ZFR: variants seen among roughly 807,000 people sequenced by gnomAD.
The protein encoded by ZFR is zinc finger RNA-binding protein.
In ZFR, 19 loss-of-function variants were observed where a neutral mutation model predicts 130.7. The ratio of observed to expected loss-of-function variants is 0.15; its 90% CI spans 0.10 to 0.21. The LOEUF is 0.21. Among genes scored for constraint, ZFR ranks in the 10% least tolerant of loss-of-function variants. The pLI, the probability that ZFR is intolerant of heterozygous loss-of-function variation, is 1.00. For missense variants in ZFR, 872 were observed against 1,321.5 expected (o/e 0.66, Z 5.27); for synonymous variants, 466 against 456.9 (o/e 1.02, Z -0.25).
At chr5:32,436,900 ACATTT>A (rs1457269176) in intron 2 of ZFR, among the ~76,000 whole-genome samples, 1 of 152,234 alleles carries the variant, frequency 6.6e-6, no homozygotes, top group Non-Finnish European at 1.5e-5. Context: ...TCGGTTTATG[ACATTT>A]CATTTTCTCT....
intron 6 of ZFR, among the ~76,000 whole-genome samples, chr5:32,404,428 A>G (rs1753535265): frequency 6.6e-6 from 1 of 152,242 alleles, no homozygotes; most frequent in Non-Finnish European, 1.5e-5. Context: ...CATTCCATAA[A>G]GAAATTATAT....
intron 8 of ZFR, among the ~76,000 whole-genome samples, chr5:32,402,251 A>C (rs972755863): frequency 6.6e-6 from 1 of 152,192 alleles, no homozygotes; most frequent in Admixed American, 6.5e-5. Context: ...AAAACTGAGA[A>C]AGGGGTGGAT....
intron 2 of ZFR, among the ~76,000 whole-genome samples, chr5:32,442,518 A>G (rs1468771215): frequency 6.6e-6 from 1 of 152,238 alleles, no homozygotes; most frequent in African/African-American, 2.4e-5. Context: ...ACGATTTGCT[A>G]ATACTTGAAA....
intron 17 of ZFR, among the ~76,000 whole-genome samples, chr5:32,368,948 A>G (rs1361501634): frequency 1.4e-5 from 2 of 139,154 alleles, no homozygotes; most frequent in Non-Finnish European, 3.2e-5. Flanking sequence ...GTTGACATGG[A>G]TCACTATTGA....
At chr5:32,369,202 G>C (rs907343997) in intron 17 of ZFR, among the ~76,000 whole-genome samples, 1 of 151,808 alleles carries the variant, frequency 6.6e-6, no homozygotes, top group Non-Finnish European at 1.5e-5. Context: ...ACCGTTTGCT[G>C]TTTTTTTTGT....
intron 9 of ZFR, among the ~76,000 whole-genome samples, chr5:32,398,429 A>C (rs1753368377): frequency 6.6e-6 from 1 of 152,206 alleles, no homozygotes; most frequent in Non-Finnish European, 1.5e-5. Context: ...CTTACTATGA[A>C]GTCTATTATG....
chr5:32,418,846 A>G (rs554142167), intron 3 of ZFR, among the ~76,000 whole-genome samples: 166 of 152,360 alleles, frequency 1.1e-3, no homozygotes, highest in African/African-American at 3.8e-3. Flanking sequence ...GCAAAAAAAC[A>G]GATTAAAGAA....
At chr5:32,369,131 T>C (rs1037416859) in intron 17 of ZFR, among the ~76,000 whole-genome samples, 1 of 152,236 alleles carries the variant, frequency 6.6e-6, no homozygotes, top group Admixed American at 6.5e-5. Context: ...TTTAGGGGTG[T>C]GCATACAGTT....
intron 15 of ZFR, among the ~76,000 whole-genome samples, chr5:32,381,128 A>C (rs1752927402): frequency 6.6e-6 from 1 of 152,208 alleles, no homozygotes; most frequent in Non-Finnish European, 1.5e-5. Context: ...AAACAGAATT[A>C]AGAGTGGAAA....
intron 3 of ZFR, 144 bp from the exon 4 acceptor site, chr5:32,417,936 A>G (rs1432886261): frequency 1.3e-6 from 1 of 770,922 alleles, no homozygotes; most frequent in African/African-American, 1.7e-5. Flanking sequence ...ATCAAATTAA[A>G]TACACAGAAG....
chr5:32,380,077 G>A lies in ZFR; in HGVS notation c.2737C>T (p.Gln913Ter). The change falls in exon 16 of 20, where the codon CAG becomes TAG. Residue 913 changes from glutamine to a stop codon, truncating the protein, a stop_gained and splice_region_variant. Transcript: ENST00000265069. LOFTEE classifies it high-confidence loss of function. ...AAAAGTAAAATGATGTTCCGAACCT[G>A]GAACCACTTAGCGTGGCGTAGAGCA... ...LAALRHAKWFQARANGLQSCV... is the reference protein window; with the variant it reads ...LAALRHAKWF 6.2e-7 allele frequency: 1 copy of A among 1,613,120 alleles called. No individual in the cohort carries two copies. Among genetic ancestry groups the A allele is most frequent in the Non-Finnish European group, 8.5e-7 (1 of 1,179,188 alleles).
intron 2 of ZFR, among the ~76,000 whole-genome samples, chr5:32,435,899 T>A (rs1033010): frequency 1.3e-5 from 2 of 152,288 alleles, no homozygotes; most frequent in South Asian, 2.1e-4. Flanking sequence ...AAGCAAAATT[T>A]TATGCTATTT....
At chr5:32,395,494 A>G (rs1004341726) in intron 10 of ZFR, among the ~76,000 whole-genome samples, 190 bp from the exon 11 acceptor site, 5 of 152,218 alleles carry the variant, frequency 3.3e-5, no homozygotes, top group Non-Finnish European at 7.3e-5. Flanking sequence ...AAAATTATGT[A>G]AAAAGTATGT....
At chr5:32,393,957 T>C (rs1463910886) in intron 11 of ZFR, among the ~76,000 whole-genome samples, 1 of 152,142 alleles carries the variant, frequency 6.6e-6, no homozygotes, top group East Asian at 1.9e-4. Flanking sequence ...GGAAACTACC[T>C]AAATATCTAA....
Position 32,354,573 on chromosome 5 carries a change from T to C in ZFR, c.*1187A>G, listed in dbSNP as rs1299966400. On this transcript the variant is annotated 3_prime_UTR_variant, in exon 20 of 20. Transcript: ENST00000265069. Reference sequence around the variant, plus strand: ...ACATCACTGCTAGAATATTTAGCTTTGTGTAGGAGACATAAGCAGGTAAGA... The same window carrying C: ...ACATCACTGCTAGAATATTTAGCTTCGTGTAGGAGACATAAGCAGGTAAGA... 2.6e-5 allele frequency: 4 copies of C among 152,652 alleles called. No homozygotes were observed. Among genetic ancestry groups the C allele is most frequent in the Admixed American group, 1.3e-4 (2 of 15,292 alleles). The allele number at this position is 152,652 out of a possible 1,614,324, so 9.5% of individuals were successfully genotyped here.
intron 2 of ZFR, among the ~76,000 whole-genome samples, chr5:32,443,016 T>C (rs1363613766): frequency 2.0e-5 from 3 of 151,224 alleles, no homozygotes; most frequent in Non-Finnish European, 2.9e-5. Context: ...CTGGGCAACA[T>C]AGGTCCTTTC....
chr5:32,420,718 T>C (rs548808080), intron 2 of ZFR, among the ~76,000 whole-genome samples: 158 of 152,332 alleles, frequency 1.0e-3, no homozygotes, highest in Middle Eastern at 6.8e-3. Flanking sequence ...TGTGAGCTAC[T>C]GGCATCCAGT....
At chr5:32,358,959 A>G (rs1454535956) in intron 19 of ZFR, among the ~76,000 whole-genome samples, 1 of 152,274 alleles carries the variant, frequency 6.6e-6, no homozygotes, top group East Asian at 1.9e-4. Flanking sequence ...ATGGTGGCTA[A>G]GCACTTTGGG....
At chr5:32,440,574 G>A (rs936822372) in intron 2 of ZFR, among the ~76,000 whole-genome samples, 11 of 151,870 alleles carry the variant, frequency 7.2e-5, no homozygotes, top group Admixed American at 7.2e-4. Context: ...TTGAACCCGA[G>A]AGGCAGAGGT....
Sources: gnomAD v4.1 joint callset for allele counts (sites outside exome capture counted in the v4.1 genomes callset) on GRCh38, gnomAD v4.1.1 for gene constraint, MANE v1.5 for transcripts, NCBI Gene and HGNC (gene_info 2026-07-23, HGNC 2026-07-21) for gene names.